FRMD5: variants seen among roughly 807,000 people sequenced by gnomAD.
FRMD5 encodes FERM domain containing 5.
FRMD5 carries 20 observed loss-of-function variants against 69.0 expected under a neutral mutation model. The ratio of observed to expected loss-of-function variants is 0.29; its 90% confidence interval spans 0.20 to 0.42. The LOEUF (loss-of-function observed/expected upper bound fraction) is 0.42. Among genes scored for constraint, FRMD5 ranks in the 10% least tolerant of loss-of-function variants. The pLI is 1.00. For missense variants in FRMD5, 595 were observed against 708.6 expected (o/e 0.84, Z 1.82); for synonymous variants, 271 against 260.1 (o/e 1.04, Z -0.40).
intron 1 of FRMD5, among the ~76,000 whole-genome samples, chr15:44,033,021 T>C (rs1466754587): frequency 6.6e-6 from 1 of 152,180 alleles, no homozygotes; most frequent in East Asian, 1.9e-4. Flanking sequence ...TGGAATACTA[T>C]GCAGCCATAA....
chr15:43,874,578 T>A, intron 13 of FRMD5, 116 bp from the exon 14 acceptor site: 1 of 715,118 alleles, frequency 1.4e-6, no homozygotes, highest in Non-Finnish European at 2.4e-6. Flanking sequence ...CCAGCAGCAG[T>A]AGCCACTGCA....
chr15:44,127,093 G>A (rs1336986390), intron 1 of FRMD5, among the ~76,000 whole-genome samples: 2 of 152,048 alleles, frequency 1.3e-5, no homozygotes, highest in Non-Finnish European at 2.9e-5. Flanking sequence ...TTTAATAAAC[G>A]TTCTTTTGAA....
Position 43,989,227 on chromosome 15 carries a change from G to A in FRMD5, c.103-64918C>T, listed in dbSNP as rs556979802. On this transcript the variant is annotated intron_variant, in intron 1 of 13. Transcript: ENST00000417257. ...GATCTTGATCTTCATTGTGCTGGGC[G>A]CCAGGGTGGTGATCTTCTGCATCCT... 5.3e-5 allele frequency: 43 copies of A among 805,872 alleles called. No homozygotes were observed. The African/African-American group carries it at 5.5e-4, about 10-fold the overall frequency. The allele number at this position is 805,872 out of a possible 1,614,324, so 49.9% of individuals were successfully genotyped here. A position where few individuals can be genotyped will look rare whatever the true frequency, so the allele number is the denominator to read the frequency against.
chr15:43,884,910 C>T (rs572245740), intron 11 of FRMD5, 115 bp from the exon 12 acceptor site: 2 of 859,152 alleles, frequency 2.3e-6, no homozygotes, highest in East Asian at 5.0e-5. Context: ...TGTGGCCCAC[C>T]CTTTCCCTGA....
In FRMD5 at chr15:43,888,201, A is replaced by G. The variant is rs1277645261; in HGVS notation, c.858T>C (p.Cys286=). The G allele has an allele frequency of 6.2e-7, 1 of 1,613,864 alleles. No individual in the cohort carries two copies. ...TGTAGAAGGCTTGGTTCTCGATTCC[A>G]CATTTCCAGAGGTGCTTACACGCTT... The part of the protein sequence containing the change: ...TPEACKHLWK[C]GIENQAFYKL... The change falls in exon 10 of 14, where the codon TGT becomes TGC. Residue 286 remains cysteine (C), a synonymous_variant. Coordinates refer to ENST00000417257, the MANE Select transcript of FRMD5 (RefSeq NM_032892.5).
chr15:44,174,555 G>A (rs1248547302), intron 1 of FRMD5, among the ~76,000 whole-genome samples: 1 of 152,108 alleles, frequency 6.6e-6, no homozygotes, highest in African/African-American at 2.4e-5. Context: ...CTGAAGAAAA[G>A]ATAACCTCAT....
intron 1 of FRMD5, among the ~76,000 whole-genome samples, chr15:43,983,337 C>T (rs1477760531): frequency 6.6e-6 from 1 of 152,174 alleles, no homozygotes; most frequent in African/African-American, 2.4e-5. Context: ...TTGTCCCAGC[C>T]TTCAGTGTAA....
chr15:43,946,807 T>C (rs1030969174), intron 1 of FRMD5, among the ~76,000 whole-genome samples: 3 of 152,208 alleles, frequency 2.0e-5, no homozygotes, highest in African/African-American at 7.2e-5. Context: ...GCCTCCTCTG[T>C]GCTCCTCAAA....
intron 1 of FRMD5, among the ~76,000 whole-genome samples, chr15:44,009,955 T>C (rs1890638414): frequency 6.6e-6 from 1 of 152,224 alleles, no homozygotes; most frequent in Non-Finnish European, 1.5e-5. Flanking sequence ...CTGCATCTTT[T>C]TGGAACCTGA....
intron 1 of FRMD5, among the ~76,000 whole-genome samples, chr15:44,079,987 T>C (rs957591832): frequency 6.6e-6 from 1 of 152,016 alleles, no homozygotes; most frequent in Non-Finnish European, 1.5e-5. Flanking sequence ...GATACAGAGT[T>C]TCAGTTTGGG....
intron 1 of FRMD5, among the ~76,000 whole-genome samples, chr15:44,011,540 T>C (rs1181488389): frequency 6.6e-6 from 1 of 152,114 alleles, no homozygotes; most frequent in East Asian, 1.9e-4. Context: ...TGACAGGCTG[T>C]TGGAAATGTG....
intron 1 of FRMD5, among the ~76,000 whole-genome samples, chr15:44,070,961 A>G (rs1374921094): frequency 2.0e-5 from 3 of 152,122 alleles, no homozygotes; most frequent in Non-Finnish European, 4.4e-5. Context: ...TGCACAGCAT[A>G]TCACATGTTT....
chr15:44,183,728 T>C lies in FRMD5; in HGVS notation c.102+11225A>G, dbSNP rs141766992. Among the ~76,000 whole-genome samples the C allele has an allele frequency of 2.2e-3, 334 of 152,286 alleles. No individual in the cohort carries two copies. The East Asian group carries it at 0.027, about 12-fold the overall frequency. On this transcript the variant is annotated intron_variant, in intron 1 of 13. Coordinates refer to ENST00000417257, the MANE Select transcript of FRMD5 (RefSeq NM_032892.5). Reference sequence around the variant, plus strand: ...CCGGCGCGGTGGCTCAGGCCTGTAATCCCAGTACTTTGGGAAGCTGAGGCA... The same window carrying C: ...CCGGCGCGGTGGCTCAGGCCTGTAACCCCAGTACTTTGGGAAGCTGAGGCA...
At chr15:43,984,664 C>G (rs1889297838) in intron 1 of FRMD5, among the ~76,000 whole-genome samples, 2 of 152,238 alleles carry the variant, frequency 1.3e-5, no homozygotes, top group Non-Finnish European at 2.9e-5. Flanking sequence ...TGATTGTATC[C>G]CACAGGATGG....
intron 13 of FRMD5, among the ~76,000 whole-genome samples, chr15:43,877,660 A>G (rs1013539173): frequency 1.3e-5 from 2 of 152,206 alleles, no homozygotes; most frequent in African/African-American, 2.4e-5. Flanking sequence ...ACAGCTCTCA[A>G]TCTCTGCTTT....
chr15:43,882,036 T>C (rs2088542635), intron 13 of FRMD5, among the ~76,000 whole-genome samples: 1 of 152,196 alleles, frequency 6.6e-6, no homozygotes, highest in African/African-American at 2.4e-5. Flanking sequence ...TGTTTCCCGC[T>C]GTGTGAGATT....
intron 1 of FRMD5, among the ~76,000 whole-genome samples, chr15:43,960,478 C>T (rs1391236344): frequency 1.1e-4 from 16 of 152,120 alleles, no homozygotes; most frequent in East Asian, 5.8e-4. Context: ...CTCGATCTCC[C>T]GACCTCATGA....
intron 8 of FRMD5, among the ~76,000 whole-genome samples, chr15:43,889,757 A>G (rs764918788): frequency 6.6e-5 from 10 of 152,106 alleles, no homozygotes; most frequent in South Asian, 4.1e-4. Flanking sequence ...CTTCCCTTCT[A>G]TCTGCCCAAC....
intron 1 of FRMD5, among the ~76,000 whole-genome samples, chr15:44,074,038 C>T (rs755772372): frequency 6.6e-5 from 10 of 152,128 alleles, no homozygotes; most frequent in Non-Finnish European, 1.2e-4. Context: ...ATACCCTCTC[C>T]AAGCCCTATC....
Sources: allele counts gnomAD v4.1 joint callset (sites outside exome capture counted in the v4.1 genomes callset), GRCh38; gene constraint gnomAD v4.1.1; transcripts MANE v1.5; gene names NCBI Gene and HGNC (gene_info 2026-07-23, HGNC 2026-07-21).